Variants in COG6 observed in about 807,000 individuals in gnomAD.
The protein encoded by COG6 is component of oligomeric golgi complex 6.
Under a neutral mutation model 88.8 loss-of-function variants are expected in COG6, and 74 were observed. That is an observed-to-expected ratio of 0.83 (90% confidence interval 0.69 to 1.01). The LOEUF (loss-of-function observed/expected upper bound fraction) is 1.01. Ranked by LOEUF, COG6 falls within the 50% of genes least tolerant of loss-of-function variation. The pLI, the probability that COG6 is intolerant of heterozygous loss-of-function variation, is 0.00. For missense variants in COG6, 800 were observed against 797.9 expected (o/e 1.00, Z -0.03); for synonymous variants, 286 against 278.7 (o/e 1.03, Z -0.26).
At position 39,655,691 on chromosome 13, in the gene COG6, G is replaced by GCT. The variant is rs1566165114; in HGVS notation, c.-35_-34dup. The stretch of plus-strand genomic sequence containing the variant: ...GCGCTGCCTCCGTGGTCCCTGCCTG[G>GCT]CTGAGGTGGCAGCAGGGGGCGGGAC... On this transcript the variant is annotated 5_prime_UTR_variant, in exon 1 of 19. Coordinates refer to ENST00000455146, the MANE Select transcript of COG6 (RefSeq NM_020751.3). 2 of 1,554,758 alleles carry GCT rather than the reference G, an allele frequency of 1.3e-6. No individual in the cohort carries two copies. The highest frequency in any genetic ancestry group is 3.9e-5 in the Admixed American group (2 of 51,892).
rs532667493 is a variant in COG6 at position 39,730,688 on chromosome 13, C to T, written c.1826+3140C>T. Among the ~76,000 whole-genome samples the T allele has an allele frequency of 8.1e-4, 106 of 130,958 alleles. No individual in the cohort carries two copies. In the Middle Eastern group the frequency reaches 0.015, roughly 19 times the overall value. The allele number at this position is 130,958 out of a possible 152,430, so 85.9% of individuals were successfully genotyped here. ...ACTTAGGAGGCTGAGGCAGGAGAAT[C>T]GCTTGAACCCGGGAGGTGGAGGTTG... On this transcript the variant is annotated intron_variant, in intron 18 of 18. Coordinates refer to ENST00000455146, the MANE Select transcript of COG6 (RefSeq NM_020751.3).
At chr13:39,704,519 C>T (rs1485644559) in intron 13 of COG6, among the ~76,000 whole-genome samples, 1 of 152,122 alleles carries the variant, frequency 6.6e-6, no homozygotes, top group Non-Finnish European at 1.5e-5. Context: ...TCTTTATCCT[C>T]ATTGTCTTCA....
Position 39,687,748 on chromosome 13 carries a change from G to T in COG6, c.958G>T (p.Ala320Ser). The change falls in exon 10 of 19, where the codon GCT (alanine) becomes TCT (serine). Residue 320 changes from alanine (A) to serine (S), a missense_variant. Ala to Ser is a moderately conservative substitution (Grantham distance 99, BLOSUM62 1). Coordinates refer to ENST00000455146, the MANE Select transcript of COG6 (RefSeq NM_020751.3). ...DMLAWLHQATASEKEHLEALL... is the reference protein window; with the variant it reads ...DMLAWLHQATSSEKEHLEALL... ...GTTGGCTTGGCTCCATCAAGCTACT[G>T]CTTCTGAAAAGGAACACCTTGAAGC... is the stretch of plus-strand genomic sequence containing the variant. The T allele has an allele frequency of 6.2e-7, 1 of 1,614,056 alleles. No homozygotes were observed. Among genetic ancestry groups the T allele is most frequent in the Non-Finnish European group, 8.5e-7 (1 of 1,179,996 alleles).
intron 4 of COG6, among the ~76,000 whole-genome samples, chr13:39,666,724 A>C (rs1593409272): frequency 6.6e-6 from 1 of 152,346 alleles, no homozygotes; most frequent in East Asian, 1.9e-4. Context: ...TAGGGCTACA[A>C]AGGACTCAGA....
chr13:39,684,119 G>GAGGGCT (rs1876483101), intron 8 of COG6, among the ~76,000 whole-genome samples: 2 of 151,972 alleles, frequency 1.3e-5, no homozygotes, highest in South Asian at 4.2e-4. Flanking sequence ...GGATGTATCT[G>GAGGGCT]AGGGCTACAT....
chr13:39,730,672 G>T (rs553840175), intron 18 of COG6, among the ~76,000 whole-genome samples: 2 of 148,716 alleles, frequency 1.3e-5, no homozygotes, highest in African/African-American at 5.0e-5. Flanking sequence ...TACTTAGGAG[G>T]CTGAGGCAGG....
chr13:39,778,662 A>G (rs1236014659), intron 18 of COG6, among the ~76,000 whole-genome samples: 2 of 152,244 alleles, frequency 1.3e-5, no homozygotes, highest in Non-Finnish European at 2.9e-5. Context: ...ATTATTTCAC[A>G]GTTTCTCTAA....
intron 5 of COG6, 35 bp from the exon 6 acceptor site, chr13:39,679,503 A>G (rs1318163029): frequency 8.3e-6 from 10 of 1,202,614 alleles, no homozygotes; most frequent in Non-Finnish European, 1.2e-5. Context: ...TTTTGCCTGA[A>G]GCATGGACAT....
chr13:39,678,514 G>A (rs1012787120), intron 5 of COG6, among the ~76,000 whole-genome samples: 5 of 151,946 alleles, frequency 3.3e-5, no homozygotes, highest in African/African-American at 1.2e-4. Context: ...TTTCCAAACT[G>A]GCTGACAGAA....
downstream of COG6, among the ~76,000 whole-genome samples, chr13:39,756,583 A>G (rs964512713): frequency 6.6e-6 from 1 of 152,136 alleles, no homozygotes; most frequent in Non-Finnish European, 1.5e-5. Context: ...TCACAATCAA[A>G]CTGTTATAAG....
At chr13:39,684,277 G>C (rs1215731366) in intron 8 of COG6, among the ~76,000 whole-genome samples, 4 of 29,820 alleles carry the variant, frequency 1.3e-4, no homozygotes, top group South Asian at 1.8e-3. Context: ...TTGAGACGGA[G>C]TCTAGCTGTC....
chr13:39,743,833 A>AC (rs1880185984), intron 18 of COG6, among the ~76,000 whole-genome samples: 1 of 152,194 alleles, frequency 6.6e-6, no homozygotes, highest in African/African-American at 2.4e-5. Context: ...TCCCTGATGA[A>AC]CATCGATGCA....
intron 18 of COG6, among the ~76,000 whole-genome samples, chr13:39,748,364 C>G (rs1880449511): frequency 6.6e-6 from 1 of 152,106 alleles, no homozygotes; most frequent in Non-Finnish European, 1.5e-5. Context: ...CCTGTAATCC[C>G]AGCACTTTGG....
In COG6 at chr13:39,779,358, C is replaced by T. The variant is rs571951365; in HGVS notation, c.1827-8977C>T. 1.8e-4 allele frequency among the ~76,000 whole-genome samples: 28 copies of T among 152,340 alleles called. No homozygotes were observed. In the South Asian group the frequency reaches 5.8e-3, roughly 32 times the overall value. On this transcript the variant is annotated intron_variant, in intron 18 of 18. Transcript: ENST00000416691. ...AGATGCTGGCATCAGTCACGTGTGT[C>T]TCTTAAATCGATCATTCCTATAAGC...
In COG6 at chr13:39,751,384, T is replaced by A; in HGVS notation, c.*291T>A. Reference sequence around the variant, plus strand: ...TGTATTCAGGAAGCATAAAGTAGTATGAAAGGTTTGAAGAATTTTTTTTTA... The same window carrying A: ...TGTATTCAGGAAGCATAAAGTAGTAAGAAAGGTTTGAAGAATTTTTTTTTA... On this transcript the variant is annotated 3_prime_UTR_variant, in exon 19 of 19. Transcript: ENST00000455146. 1.5e-6 allele frequency: 2 copies of A among 1,363,864 alleles called. No individual in the cohort carries two copies. Among genetic ancestry groups the A allele is most frequent in the Non-Finnish European group, 1.9e-6 (2 of 1,042,236 alleles). 84.5% of individuals were successfully genotyped at this position (1,363,864 alleles called of 1,614,324 possible). A position where few individuals can be genotyped will look rare whatever the true frequency, so the allele number is the denominator to read the frequency against.
intron 18 of COG6, among the ~76,000 whole-genome samples, chr13:39,741,287 A>T (rs574250049): frequency 2.8e-4 from 43 of 152,252 alleles, no homozygotes; most frequent in Non-Finnish European, 5.1e-4. Context: ...GGCTTCAGAA[A>T]GTCGATAATA....
intron 18 of COG6, among the ~76,000 whole-genome samples, chr13:39,748,084 T>C (rs1007228443): frequency 6.6e-6 from 1 of 152,204 alleles, no homozygotes; most frequent in East Asian, 1.9e-4. Context: ...TAATGAATGC[T>C]TTACACACTT....
intron 15 of COG6, among the ~76,000 whole-genome samples, chr13:39,722,374 A>G (rs1878893568): frequency 1.3e-5 from 2 of 151,882 alleles, no homozygotes; most frequent in South Asian, 4.1e-4. Flanking sequence ...AAGAAACCAT[A>G]CTTGTTCTGA....
intron 18 of COG6, among the ~76,000 whole-genome samples, chr13:39,728,178 A>G (rs780595758): frequency 7.9e-5 from 12 of 152,172 alleles, no homozygotes; most frequent in Non-Finnish European, 1.6e-4. Flanking sequence ...TTTCTACATA[A>G]CAGGCACTAG....
Sources: gnomAD v4.1 joint callset for allele counts (sites outside exome capture counted in the v4.1 genomes callset) on GRCh38, gnomAD v4.1.1 for gene constraint, MANE v1.5 for transcripts, NCBI Gene and HGNC (gene_info 2026-07-23, HGNC 2026-07-21) for gene names.